The following MRPS18B variants were observed in gnomAD, a reference collection of about 807,000 sequenced individuals.
MRPS18B encodes small ribosomal subunit protein mS40.
Under a neutral mutation model 28.4 loss-of-function variants are expected in MRPS18B, and 27 were observed. The observed-to-expected ratio is 0.95, with a 90% CI of 0.70 to 1.31. The LOEUF (loss-of-function observed/expected upper bound fraction) is 1.31. MRPS18B is among the 40% of genes most tolerant of loss of function. MRPS18B has a pLI of 0.00. For missense variants in MRPS18B, 343 were observed against 335.9 expected (o/e 1.02, Z -0.17); for synonymous variants, 118 against 123.7 (o/e 0.95, Z 0.30).
chr6:30,623,841 T>A (rs569388363), intron 5 of MRPS18B, among the ~76,000 whole-genome samples: 1 of 152,046 alleles, frequency 6.6e-6, no homozygotes, highest in Non-Finnish European at 1.5e-5. Flanking sequence ...AATGGTGCAA[T>A]CTTGCCTCAC....
chr6:30,620,102 G>A lies in MRPS18B; in HGVS notation c.354+113G>A. ...GGAGGCCAAGGCAGGTGGATCATGA[G>A]GTCAGGAGATCAAGACCATCCTGGC... is the stretch of plus-strand genomic sequence containing the variant. On this transcript the variant is annotated intron_variant, in intron 4 of 6. Transcript: ENST00000259873. 3 of 956,668 alleles carry A rather than the reference G, an allele frequency of 3.1e-6. 1 individual carries two copies. Among genetic ancestry groups the A allele is most frequent in the South Asian group, 2.7e-5 (2 of 73,266 alleles). 59.3% of individuals were successfully genotyped at this position (956,668 alleles called of 1,614,324 possible). A position where few individuals can be genotyped will look rare whatever the true frequency, so the allele number is the denominator to read the frequency against.
intron 1 of MRPS18B, 33 bp downstream of exon 1, chr6:30,617,976 A>G: frequency 6.2e-7 from 1 of 1,611,066 alleles, no homozygotes; most frequent in Non-Finnish European, 8.5e-7. Context: ...GCACAACCTC[A>G]AGTTGGTTAT....
At chr6:30,619,435 A>G in intron 1 of MRPS18B, 58 bp from the exon 2 acceptor site, 3 of 1,449,006 alleles carry the variant, frequency 2.1e-6, no homozygotes, top group South Asian at 2.3e-5. Flanking sequence ...TGTGATAAGC[A>G]AAACAATTTA....
rs145393589 is a variant in MRPS18B at position 30,625,647 on chromosome 6, G to A, written c.627G>A (p.Pro209=). The part of the protein sequence containing the change: ...WYPWYNWKQP[P]ERELSRLRRL... ...CATGGTACAACTGGAAACAGCCACC[G>A]GAGAGAGAACTGTCTCGCCTTCGCC... Residue 209 remains proline (P), a synonymous_variant, in exon 7 of 7, where the codon CCG becomes CCA. Coordinates refer to ENST00000259873, the MANE Select transcript of MRPS18B (RefSeq NM_014046.4). The A allele has an allele frequency of 1.8e-4, 297 of 1,613,034 alleles. 2 individuals are homozygous for A. In the East Asian group the frequency reaches 6.4e-3, roughly 35 times the overall value.
At position 30,620,025 on chromosome 6, in the gene MRPS18B, T is replaced by C. The variant is rs749435370; in HGVS notation, c.354+36T>C. 5.0e-6 allele frequency: 8 copies of C among 1,602,722 alleles called. No individual in the cohort carries two copies. The African/African-American group carries it at 6.7e-5, about 13-fold the overall frequency. On this transcript the variant is annotated intron_variant, in intron 4 of 6. Transcript: ENST00000259873. ...TCTTTTCTTTTTAGGGTAAGAAAAA[T>C]AAAGATTAGGGGCTGGGCGCGGTGG...
In MRPS18B at chr6:30,625,824, G is replaced by A; in HGVS notation, c.*27G>A. ...AGCTGTAGACTGGGAAGAGAGGCCA[G>A]GCGTGGTGGCTCACTCCTGTAATCC... On this transcript the variant is annotated 3_prime_UTR_variant, in exon 7 of 7. Coordinates refer to ENST00000259873, the MANE Select transcript of MRPS18B (RefSeq NM_014046.4). The A allele has an allele frequency of 6.3e-7, 1 of 1,580,868 alleles. No individual in the cohort carries two copies. The highest frequency in any genetic ancestry group is 8.6e-7 in the Non-Finnish European group (1 of 1,157,614).
At position 30,617,952 on chromosome 6, in the gene MRPS18B, T is replaced by A; in HGVS notation, c.78+9T>A. The A allele has an allele frequency of 1.2e-6, 2 of 1,614,026 alleles. No homozygotes were observed. The highest frequency in any genetic ancestry group is 1.7e-6 in the Non-Finnish European group (2 of 1,179,896). Reference sequence around the variant, plus strand: ...GTTCTCACAGAGTTCAGGTAACTCTTCGAAAGACATTTTGCACAACCTCAA... The same window carrying A: ...GTTCTCACAGAGTTCAGGTAACTCTACGAAAGACATTTTGCACAACCTCAA... On this transcript the variant is annotated intron_variant, in intron 1 of 6. Transcript: ENST00000259873.
At chr6:30,618,254 G>A (rs3873304) in intron 1 of MRPS18B, among the ~76,000 whole-genome samples, 14,933 of 152,100 alleles carry the variant, frequency 0.098, 818 homozygotes, top group Middle Eastern at 0.19. Flanking sequence ...AACTAATTAA[G>A]GGGCCATGCT....
intron 4 of MRPS18B, among the ~76,000 whole-genome samples, chr6:30,620,815 G>A (rs1379219095): frequency 6.6e-6 from 1 of 151,966 alleles, no homozygotes; most frequent in African/African-American, 2.4e-5. Flanking sequence ...TGACCCACCC[G>A]CCTCGGCCTC....
chr6:30,623,452 A>C (rs144728759), intron 5 of MRPS18B, among the ~76,000 whole-genome samples: 1 of 152,360 alleles, frequency 6.6e-6, no homozygotes, highest in African/African-American at 2.4e-5. Context: ...TAACTTTTAC[A>C]AAAGACTTCT....
chr6:30,620,396 A>G (rs1761081077), intron 4 of MRPS18B, among the ~76,000 whole-genome samples: 1 of 152,162 alleles, frequency 6.6e-6, no homozygotes, highest in Non-Finnish European at 1.5e-5. Flanking sequence ...CAAAGAGATT[A>G]CTGTAGGTGC....
At chr6:30,621,138 A>G (rs114700761) in intron 4 of MRPS18B, among the ~76,000 whole-genome samples, 98 of 152,362 alleles carry the variant, frequency 6.4e-4, no homozygotes, top group Non-Finnish European at 1.2e-3. Flanking sequence ...GCGGCGGCCC[A>G]TGCCTGTAAT....
At chr6:30,620,850 G>T (rs1027094410) in intron 4 of MRPS18B, among the ~76,000 whole-genome samples, 6 of 152,078 alleles carry the variant, frequency 3.9e-5, no homozygotes, top group Admixed American at 6.6e-5. Flanking sequence ...TTACAGGTGT[G>T]AGCCACCACA....
At chr6:30,620,029 G>A in intron 4 of MRPS18B, 40 bp downstream of exon 4, 2 of 1,599,686 alleles carry the variant, frequency 1.3e-6, no homozygotes, top group Non-Finnish European at 1.7e-6. Flanking sequence ...GAAAAATAAA[G>A]ATTAGGGGCT....
At position 30,620,001 on chromosome 6, in the gene MRPS18B, C is replaced by CT; in HGVS notation, c.354+16dup. 1.9e-6 allele frequency: 3 copies of CT among 1,612,632 alleles called. No individual in the cohort carries two copies. The highest frequency in any genetic ancestry group is 2.5e-6 in the Non-Finnish European group (3 of 1,178,714). ...ATGTTGACTTTAGGGTAAGGAGAGT[C>CT]TTTTCTTTTTAGGGTAAGAAAAATA... On this transcript the variant is annotated intron_variant, in intron 4 of 6. Coordinates refer to ENST00000259873, the MANE Select transcript of MRPS18B (RefSeq NM_014046.4).
chr6:30,621,047 C>T (rs1194783461), intron 4 of MRPS18B, among the ~76,000 whole-genome samples: 1 of 152,198 alleles, frequency 6.6e-6, no homozygotes, highest in Admixed American at 6.5e-5. Flanking sequence ...AAGATAGAGT[C>T]CATTATTTTT....
At chr6:30,624,749 C>A in intron 5 of MRPS18B, 134 bp from the exon 6 acceptor site, 2 of 841,010 alleles carry the variant, frequency 2.4e-6, no homozygotes, top group African/African-American at 1.7e-5. Flanking sequence ...AACTGAGGTC[C>A]ATGGAGGGGT....
chr6:30,618,657 G>A (rs1054104950), intron 1 of MRPS18B: 5 of 152,232 alleles, frequency 3.3e-5, no homozygotes, highest in African/African-American at 2.4e-5. Context: ...GGTCAACACA[G>A]AAATAATAAC....
Position 30,617,878 on chromosome 6 carries a change from G to A in MRPS18B, c.13G>A (p.Val5Ile), listed in dbSNP as rs1389003067. ...GGCGTACGTCAAGATGGCGGCGTCT[G>A]TATTAAACACCGTGCTGAGGCGGCT... is the stretch of plus-strand genomic sequence containing the variant. The part of the protein sequence containing the change: MAAS[V>I]LNTVLRRLPM... Residue 5 changes from valine to isoleucine, a missense_variant, in exon 1 of 7, where the codon GTA (valine) becomes ATA (isoleucine). Transcript: ENST00000259873. 6.2e-7 allele frequency: 1 copy of A among 1,614,198 alleles called. No homozygotes were observed. Among genetic ancestry groups the A allele is most frequent in the South Asian group, 1.1e-5 (1 of 91,076 alleles).
Sources: gnomAD v4.1 joint callset for allele counts (sites outside exome capture counted in the v4.1 genomes callset) on GRCh38, gnomAD v4.1.1 for gene constraint, MANE v1.5 for transcripts, NCBI Gene and HGNC (gene_info 2026-07-23, HGNC 2026-07-21) for gene names.